Variants in GPR176 observed in about 807,000 individuals in gnomAD.
GPR176 encodes G protein-coupled receptor 176, also known as G-protein coupled receptor 176.
Under a neutral mutation model 35.4 loss-of-function variants are expected in GPR176, and 26 were observed. The observed-to-expected ratio is 0.74, with a 90% CI of 0.54 to 1.02. The LOEUF (loss-of-function observed/expected upper bound fraction) is 1.02, where lower values mean the gene tolerates loss of function less well. Among genes scored for constraint, GPR176 ranks in the 50% least tolerant of loss-of-function variants. The pLI, the probability that GPR176 is intolerant of heterozygous loss-of-function variation, is 0.00. For synonymous variants in GPR176, 278 were observed against 271.3 expected (o/e 1.02, Z -0.24); for missense variants, 597 against 665.3 (o/e 0.90, Z 1.13).
chr15:39,824,933 G>A (rs1002476163), intron 1 of GPR176, among the ~76,000 whole-genome samples: 1 of 152,102 alleles, frequency 6.6e-6, no homozygotes, highest in Non-Finnish European at 1.5e-5. Flanking sequence ...GGCTGGATGT[G>A]GTGGCTCATG....
At chr15:39,807,421 C>T in intron 1 of GPR176, 163 bp from the exon 2 acceptor site, 2 of 719,464 alleles carry the variant, frequency 2.8e-6, no homozygotes, top group Non-Finnish European at 4.2e-6. Flanking sequence ...TGATACATTA[C>T]AGTCAATTTA....
intron 1 of GPR176, among the ~76,000 whole-genome samples, chr15:39,873,585 T>C (rs374070677): frequency 2.6e-5 from 4 of 151,694 alleles, no homozygotes; most frequent in African/African-American, 9.7e-5. Context: ...CCTCATTCTA[T>C]GAGAAATTAA....
At chr15:39,908,167 T>C (rs1264955954) in intron 1 of GPR176, among the ~76,000 whole-genome samples, 1 of 152,188 alleles carries the variant, frequency 6.6e-6, no homozygotes, top group Non-Finnish European at 1.5e-5. Flanking sequence ...TCCAGCCTTC[T>C]TTACATCCCT....
chr15:39,843,620 G>C (rs2030190855), intron 1 of GPR176, among the ~76,000 whole-genome samples: 1 of 152,058 alleles, frequency 6.6e-6, no homozygotes, highest in Non-Finnish European at 1.5e-5. Flanking sequence ...CTATGCCTGA[G>C]GTAGGAAAGA....
chr15:39,865,701 A>G (rs1272785374), intron 1 of GPR176, among the ~76,000 whole-genome samples: 2 of 152,308 alleles, frequency 1.3e-5, no homozygotes, highest in Middle Eastern at 3.4e-3. Flanking sequence ...ATAAATTTAT[A>G]CCAAAAAAGG....
chr15:39,801,943 CG>C lies in GPR176; in HGVS notation c.736del (p.Arg246GlyfsTer27), dbSNP rs768098213. ...QKKKVIIAALRTPQNTISIPY... is the reference protein window; with the variant it reads ...QKKKVIIAALXTPQNTISIPY... The stretch of plus-strand genomic sequence containing the variant: ...AATAGAGATGGTGTTCTGTGGGGTC[CG>C]GAGCGCTGCTATGATGACCTTCTTC... On this transcript the variant is annotated frameshift_variant, in exon 3 of 3. Transcript: ENST00000561100. LOFTEE classifies it high-confidence loss of function. The C allele has an allele frequency of 1.9e-6, 3 of 1,614,008 alleles. No individual in the cohort carries two copies. In the Admixed American group the frequency reaches 5.0e-5, roughly 27 times the overall value.
At chr15:39,839,436 T>C (rs566934173) in intron 1 of GPR176, among the ~76,000 whole-genome samples, 8 of 152,284 alleles carry the variant, frequency 5.3e-5, no homozygotes, top group African/African-American at 1.9e-4. Flanking sequence ...TGTAGAAAGC[T>C]GAAACTGAAT....
At chr15:39,884,256 T>C (rs1174725190) in intron 1 of GPR176, among the ~76,000 whole-genome samples, 1 of 152,234 alleles carries the variant, frequency 6.6e-6, no homozygotes, top group Non-Finnish European at 1.5e-5. Context: ...GGCACTGCCT[T>C]ACGTGGACCA....
At chr15:39,896,998 G>C (rs1347493203) in intron 1 of GPR176, among the ~76,000 whole-genome samples, 1 of 152,124 alleles carries the variant, frequency 6.6e-6, no homozygotes, top group Admixed American at 6.5e-5. Flanking sequence ...TCGTTTGCTG[G>C]TACAACCTAT....
chr15:39,814,538 G>C (rs1161183609), intron 1 of GPR176, among the ~76,000 whole-genome samples: 2 of 151,968 alleles, frequency 1.3e-5, no homozygotes, highest in African/African-American at 4.8e-5. Flanking sequence ...TTATTCTGTT[G>C]TATCTACTTC....
chr15:39,860,921 G>A (rs1005131940), intron 1 of GPR176: 1 of 152,232 alleles, frequency 6.6e-6, no homozygotes, highest in Non-Finnish European at 1.5e-5. Flanking sequence ...CAGGTGGAAA[G>A]CCTAAAAGAA....
intron 2 of GPR176, 140 bp from the exon 3 acceptor site, chr15:39,802,394 C>G: frequency 1.5e-6 from 1 of 663,374 alleles, no homozygotes; most frequent in Non-Finnish European, 2.5e-6. Context: ...TGGGGGAATC[C>G]AGGAAGCCAG....
chr15:39,869,210 G>A (rs1178020930), intron 1 of GPR176, among the ~76,000 whole-genome samples: 4 of 150,364 alleles, frequency 2.7e-5, no homozygotes, highest in Non-Finnish European at 2.9e-5. Context: ...TGCTATTTTA[G>A]GGTCCATCAT....
intron 1 of GPR176, among the ~76,000 whole-genome samples, chr15:39,884,542 G>T (rs563867192): frequency 1.8e-4 from 28 of 151,694 alleles, no homozygotes; most frequent in African/African-American, 4.6e-4. Context: ...TGGGGCAGCT[G>T]CTCAAAGAAG....
chr15:39,802,898 C>T (rs935631806), intron 2 of GPR176, among the ~76,000 whole-genome samples: 6 of 152,210 alleles, frequency 3.9e-5, no homozygotes, highest in African/African-American at 7.2e-5. Flanking sequence ...CCATGATAAT[C>T]ACTCAGTAAC....
chr15:39,829,254 A>G, intron 1 of GPR176: 1 of 1,461,528 alleles, frequency 6.8e-7, no homozygotes, highest in Non-Finnish European at 9.0e-7. Context: ...TGGAAAAGCC[A>G]CTTGGACTCG....
At chr15:39,807,856 A>G (rs1057232095) in intron 1 of GPR176, among the ~76,000 whole-genome samples, 5 of 152,212 alleles carry the variant, frequency 3.3e-5, no homozygotes, top group African/African-American at 9.7e-5. Context: ...CACTTACAGC[A>G]CATCTCAGTT....
At chr15:39,819,287 G>A (rs2091457107) in intron 1 of GPR176, among the ~76,000 whole-genome samples, 1 of 152,154 alleles carries the variant, frequency 6.6e-6, no homozygotes, top group Admixed American at 6.5e-5. Flanking sequence ...GCAAAAGGCA[G>A]GGTCCATATC....
At chr15:39,840,788 T>TA (rs1344622853) in intron 1 of GPR176, among the ~76,000 whole-genome samples, 11 of 152,058 alleles carry the variant, frequency 7.2e-5, no homozygotes, top group Non-Finnish European at 1.0e-4. Flanking sequence ...GAAAAAAATT[T>TA]AAAAAAATAG....
Sources: gnomAD v4.1 joint callset for allele counts (sites outside exome capture counted in the v4.1 genomes callset) on GRCh38, gnomAD v4.1.1 for gene constraint, MANE v1.5 for transcripts, NCBI Gene and HGNC (gene_info 2026-07-23, HGNC 2026-07-21) for gene names.